The following FGF2 variants were observed in gnomAD, a reference collection of about 807,000 sequenced individuals.
The protein encoded by FGF2 is fibroblast growth factor 2, also known as basic fibroblast growth factor bFGF.
In FGF2, 13 loss-of-function variants were observed where a neutral mutation model predicts 15.9. The observed-to-expected ratio is 0.82, with a 90% confidence interval of 0.53 to 1.30. The LOEUF is 1.30. Among genes scored for constraint, FGF2 ranks in the 50% most tolerant of loss-of-function variants. The pLI is 0.00. For synonymous variants in FGF2, 90 were observed against 78.4 expected (o/e 1.15, Z -0.78); for missense variants, 163 against 196.9 (o/e 0.83, Z 1.03).
chr4:122,855,386 G>T (rs1200220755), intron 1 of FGF2, among the ~76,000 whole-genome samples: 2 of 152,182 alleles, frequency 1.3e-5, no homozygotes, highest in African/African-American at 4.8e-5. Context: ...GTACTGAGAG[G>T]AATTTTCAAG....
intron 1 of FGF2, among the ~76,000 whole-genome samples, chr4:122,842,572 A>G (rs979211417): frequency 4.6e-5 from 7 of 152,194 alleles, no homozygotes; most frequent in Non-Finnish European, 8.8e-5. Context: ...CTCTGTGTAT[A>G]ATTAACAGAA....
Position 122,871,302 on chromosome 4 carries a change from T to TGGGGTC in FGF2, c.179-5014_179-5013insCGGGGT, listed in dbSNP as rs570440923. The stretch of plus-strand genomic sequence containing the variant: ...GAGAAGAATGTATATTCTATTGATT[T>TGGGGTC]GGGGTAGAGAGTTCTATAGATGTCT... On this transcript the variant is annotated intron_variant, in intron 1 of 2. Transcript: ENST00000644866. 3.4e-3 allele frequency among the ~76,000 whole-genome samples: 517 copies of TGGGGTC among 152,268 alleles called. 1 individual carries two copies. The highest frequency in any genetic ancestry group is 0.012 in the African/African-American group (496 of 41,548).
At chr4:122,828,622 G>A (rs1312828632) in intron 1 of FGF2, among the ~76,000 whole-genome samples, 1 of 152,198 alleles carries the variant, frequency 6.6e-6, no homozygotes, top group Admixed American at 6.5e-5. Flanking sequence ...ACAACCAAAC[G>A]TGAATTGGCA....
chr4:122,841,981 A>G (rs1725993047), intron 1 of FGF2, among the ~76,000 whole-genome samples: 2 of 152,232 alleles, frequency 1.3e-5, no homozygotes, highest in South Asian at 4.1e-4. Flanking sequence ...TTAATGATGT[A>G]GAACTGTAGA....
intron 1 of FGF2, among the ~76,000 whole-genome samples, chr4:122,835,446 C>A (rs1215469112): frequency 6.6e-6 from 1 of 151,784 alleles, no homozygotes; most frequent in African/African-American, 2.4e-5. Context: ...CTGTCTCTGT[C>A]TTGATTCCCC....
rs1560766346 is a variant in FGF2, at chr4:122,898,139, ATTTCT to A, written c.*5744_*5748del. On this transcript the variant is annotated 3_prime_UTR_variant, in exon 3 of 3. Transcript: ENST00000644866. ...TCTAATCAGATGTATTACTCTTATT[ATTTCT>A]ATTGTATGTGTTAATGATTTTATGT... The A allele has an allele frequency of 6.5e-6, 1 of 153,708 alleles. No homozygotes were observed. The highest frequency in any genetic ancestry group is 1.5e-5 in the Non-Finnish European group (1 of 68,860). The allele number at this position is 153,708 out of a possible 1,614,324, so 9.5% of individuals were successfully genotyped here.
At chr4:122,845,369 A>G (rs1726088934) in intron 1 of FGF2, among the ~76,000 whole-genome samples, 1 of 152,224 alleles carries the variant, frequency 6.6e-6, no homozygotes, top group African/African-American at 2.4e-5. Flanking sequence ...TAAAGTCGCC[A>G]GCTGCATTAG....
chr4:122,891,757 C>T (rs148948199), intron 2 of FGF2, among the ~76,000 whole-genome samples: 1 of 152,266 alleles, frequency 6.6e-6, no homozygotes, highest in East Asian at 1.9e-4. Context: ...AATGGGTTAG[C>T]CTTCTACTGC....
At chr4:122,870,214 G>A (rs961526445) in intron 1 of FGF2, among the ~76,000 whole-genome samples, 1 of 152,158 alleles carries the variant, frequency 6.6e-6, no homozygotes, top group Non-Finnish European at 1.5e-5. Context: ...GTTTTTTCAT[G>A]TGTTGCTGAA....
chr4:122,891,064 G>A (rs1486513396), intron 2 of FGF2, among the ~76,000 whole-genome samples: 2 of 136,488 alleles, frequency 1.5e-5, no homozygotes, highest in African/African-American at 2.7e-5. Flanking sequence ...TTTTTGAGAC[G>A]GAGTCTCGCT....
chr4:122,840,621 G>C lies in FGF2; in HGVS notation c.178+13269G>C, dbSNP rs568220619. On this transcript the variant is annotated intron_variant, in intron 1 of 2. Transcript: ENST00000644866. ...GGAATTGATCTTGTGAAGCCCACAC[G>C]AACCAAATACCCCGATCCCGATTTA... The C allele has an allele frequency of 2.7e-5, 5 of 182,904 alleles. No individual in the cohort carries two copies. The East Asian group carries it at 6.4e-4, about 23-fold the overall frequency. The allele number at this position is 182,904 out of a possible 1,614,324, so 11.3% of individuals were successfully genotyped here. A position where few individuals can be genotyped will look rare whatever the true frequency, so the allele number is the denominator to read the frequency against.
intron 1 of FGF2, among the ~76,000 whole-genome samples, chr4:122,864,971 G>A (rs2150778216): frequency 6.6e-6 from 1 of 152,284 alleles, no homozygotes; most frequent in Non-Finnish European, 1.5e-5. Flanking sequence ...AATGCATGTG[G>A]AAGTAAAATA....
In FGF2 at chr4:122,898,135, T is replaced by TAA. The variant is rs1471759832; in HGVS notation, c.*5740_*5741insAA. On this transcript the variant is annotated 3_prime_UTR_variant, in exon 3 of 3. Coordinates refer to ENST00000644866, the MANE Select transcript of FGF2 (RefSeq NM_001361665.2). ...TATTTCTAATCAGATGTATTACTCT[T>TAA]ATTATTTCTATTGTATGTGTTAATG... 6.5e-6 allele frequency: 1 copy of TAA among 153,964 alleles called. No homozygotes were observed. The highest frequency in any genetic ancestry group is 1.4e-5 in the Non-Finnish European group (1 of 69,132). 9.5% of individuals were successfully genotyped at this position (153,964 alleles called of 1,614,324 possible).
chr4:122,854,887 T>A (rs999983671), intron 1 of FGF2, among the ~76,000 whole-genome samples: 2 of 152,202 alleles, frequency 1.3e-5, no homozygotes, highest in African/African-American at 4.8e-5. Flanking sequence ...TCAAATAGAA[T>A]GACTGTGTGG....
intron 1 of FGF2, among the ~76,000 whole-genome samples, chr4:122,859,657 C>T (rs1464294808): frequency 1.3e-4 from 18 of 135,574 alleles, no homozygotes; most frequent in South Asian, 6.9e-4. Flanking sequence ...TGTATATACA[C>T]ACACACACAC....
At chr4:122,891,009 T>C (rs980875091) in intron 2 of FGF2, among the ~76,000 whole-genome samples, 1 of 143,376 alleles carries the variant, frequency 7.0e-6, no homozygotes, top group Non-Finnish European at 1.5e-5. Context: ...AGTTGCTTTT[T>C]GAACAATTTA....
intron 1 of FGF2, among the ~76,000 whole-genome samples, chr4:122,848,990 G>T (rs1285331392): frequency 1.3e-5 from 2 of 152,128 alleles, no homozygotes; most frequent in African/African-American, 2.4e-5. Context: ...TTGTACTGTG[G>T]ATCTCCCTTA....
At chr4:122,846,529 A>ATATTAG (rs2150769002) in intron 1 of FGF2, among the ~76,000 whole-genome samples, 1 of 152,344 alleles carries the variant, frequency 6.6e-6, no homozygotes, top group South Asian at 2.1e-4. Context: ...AATGCTGAAA[A>ATATTAG]TATTAGTCCA....
intron 1 of FGF2, among the ~76,000 whole-genome samples, chr4:122,835,339 T>G (rs899690533): frequency 3.6e-5 from 5 of 140,754 alleles, no homozygotes; most frequent in South Asian, 5.2e-4. Flanking sequence ...CTTTCTTCTG[T>G]TTTTTTTTTG....
Sources: allele counts gnomAD v4.1 joint callset (sites outside exome capture counted in the v4.1 genomes callset), GRCh38; gene constraint gnomAD v4.1.1; transcripts MANE v1.5; gene names NCBI Gene and HGNC (gene_info 2026-07-23, HGNC 2026-07-21).